SYNDIG1: variants seen among roughly 807,000 people sequenced by gnomAD.
SYNDIG1 encodes synapse differentiation inducing 1.
Under a neutral mutation model 19.4 loss-of-function variants are expected in SYNDIG1, and 9 were observed. That is an observed-to-expected ratio of 0.46 (90% CI 0.28 to 0.81). The LOEUF (loss-of-function observed/expected upper bound fraction) is 0.81. SYNDIG1 is among the 30% of genes least tolerant of loss of function. The pLI, the probability that SYNDIG1 is intolerant of heterozygous loss-of-function variation, is 0.12. For synonymous variants in SYNDIG1, 141 were observed against 145.9 expected, an observed-to-expected ratio of 0.97 and a Z score of 0.24; for missense variants, 311 against 343.3, an observed-to-expected ratio of 0.91 and a Z score of 0.74.
At chr20:24,493,154 C>A (rs1206029562) in intron 1 of SYNDIG1, among the ~76,000 whole-genome samples, 1 of 152,246 alleles carries the variant, frequency 6.6e-6, no homozygotes, top group Non-Finnish European at 1.5e-5. Flanking sequence ...ATTACACAAG[C>A]AAACCTAAAT....
chr20:24,492,349 C>T (rs1264817913), intron 1 of SYNDIG1, among the ~76,000 whole-genome samples: 1 of 152,166 alleles, frequency 6.6e-6, no homozygotes, highest in Admixed American at 6.5e-5. Flanking sequence ...AGGGTAGGCT[C>T]GGCCCCGCCG....
At chr20:24,555,514 T>C (rs1382292462) in intron 2 of SYNDIG1, among the ~76,000 whole-genome samples, 11 of 152,228 alleles carry the variant, frequency 7.2e-5, no homozygotes, top group Non-Finnish European at 1.0e-4. Context: ...GTCTTTGTTC[T>C]CGTTGGTTTC....
intron 1 of SYNDIG1, among the ~76,000 whole-genome samples, chr20:24,527,231 A>C (rs1443264725): frequency 6.6e-6 from 1 of 151,848 alleles, no homozygotes; most frequent in Non-Finnish European, 1.5e-5. Flanking sequence ...TTTTTCTCAG[A>C]TCTGTCTTCT....
intron 3 of SYNDIG1, among the ~76,000 whole-genome samples, chr20:24,602,724 T>C (rs2147130901): frequency 6.6e-6 from 1 of 152,372 alleles, no homozygotes; most frequent in African/African-American, 2.4e-5. Context: ...AAATATTTTC[T>C]TTAATGTTTC....
intron 3 of SYNDIG1, among the ~76,000 whole-genome samples, chr20:24,607,771 C>A (rs2058780565): frequency 1.3e-5 from 2 of 152,222 alleles, no homozygotes; most frequent in Admixed American, 1.3e-4. Flanking sequence ...TTTTTGTAGA[C>A]TTTTTAGGTG....
At chr20:24,638,650 C>T (rs1369465166) in intron 3 of SYNDIG1, among the ~76,000 whole-genome samples, 2 of 152,188 alleles carry the variant, frequency 1.3e-5, no homozygotes, top group Non-Finnish European at 2.9e-5. Flanking sequence ...TGAACCACCA[C>T]ACTCAGCCTG....
rs1431649529 is a variant in SYNDIG1 at position 24,665,486 on chromosome 20, C to T, written c.759C>T (p.Ser253=). 3 of 1,613,962 alleles carry T rather than the reference C, an allele frequency of 1.9e-6. No homozygotes were observed. In the African/African-American group the frequency reaches 4.0e-5, roughly 22 times the overall value. ...GVAVALIAYL[S]KNNHL ...CCGTGGCCCTCATCGCCTACCTCTCCAAGAACAACCACCTGTGAGCTTCCT... is the reference window on the plus strand; with the variant it reads ...CCGTGGCCCTCATCGCCTACCTCTCTAAGAACAACCACCTGTGAGCTTCCT... The change falls in exon 4 of 4, where the codon TCC becomes TCT. Residue 253 remains serine, a synonymous_variant. Coordinates refer to ENST00000376862, the MANE Select transcript of SYNDIG1 (RefSeq NM_024893.3).
At chr20:24,594,752 G>A (rs2058570850) in intron 3 of SYNDIG1, among the ~76,000 whole-genome samples, 1 of 152,100 alleles carries the variant, frequency 6.6e-6, no homozygotes, top group Non-Finnish European at 1.5e-5. Flanking sequence ...CTCCCTGTTA[G>A]CTGTATTACT....
Position 24,557,088 on chromosome 20 carries a change from T to C in SYNDIG1, c.480+13511T>C, listed in dbSNP as rs113661330. Among the ~76,000 whole-genome samples, 38 of 152,352 alleles carry C rather than the reference T, an allele frequency of 2.5e-4. 1 individual carries two copies. Among genetic ancestry groups the C allele is most frequent in the African/African-American group, 8.4e-4 (35 of 41,580 alleles). On this transcript the variant is annotated intron_variant, in intron 2 of 3. Transcript: ENST00000376862. Reference sequence around the variant, plus strand: ...CCATCACTGATACCCTTTCTTCCACTTGATCGCATCAGCTCCTGAGGCTTC... The same window carrying C: ...CCATCACTGATACCCTTTCTTCCACCTGATCGCATCAGCTCCTGAGGCTTC...
chr20:24,658,424 A>C lies in SYNDIG1; in HGVS notation c.619-6922A>C, dbSNP rs1289615045. On this transcript the variant is annotated intron_variant, in intron 3 of 3. Transcript: ENST00000376862. The surrounding 1 kb of genome is among the most constrained non-coding windows in gnomAD (Gnocchi z 4.4). ...CTCCTCCCCGTGACAGATTCCACACAGGAGCTGCAGGCCGTGGACCCCTGA... is the reference window on the plus strand; with the variant it reads ...CTCCTCCCCGTGACAGATTCCACACCGGAGCTGCAGGCCGTGGACCCCTGA... Among the ~76,000 whole-genome samples the C allele has an allele frequency of 6.6e-6, 1 of 152,068 alleles. No homozygotes were observed. Among genetic ancestry groups the C allele is most frequent in the Non-Finnish European group, 1.5e-5 (1 of 67,984 alleles).
intron 1 of SYNDIG1, among the ~76,000 whole-genome samples, chr20:24,505,958 A>G (rs978628164): frequency 3.3e-5 from 5 of 152,238 alleles, no homozygotes; most frequent in African/African-American, 9.6e-5. Context: ...CTAAGGGGAA[A>G]TGGTTTCTTT....
chr20:24,529,595 T>A (rs911818738), intron 1 of SYNDIG1, among the ~76,000 whole-genome samples: 1 of 152,230 alleles, frequency 6.6e-6, no homozygotes, highest in Non-Finnish European at 1.5e-5. Context: ...TTTTTGTGTG[T>A]CATAGAATAT....
chr20:24,527,101 C>G (rs1407825595), intron 1 of SYNDIG1, among the ~76,000 whole-genome samples: 2 of 152,234 alleles, frequency 1.3e-5, no homozygotes, highest in Non-Finnish European at 2.9e-5. Context: ...CCCAGGAGTT[C>G]TGTCTCCATT....
chr20:24,638,504 T>G (rs1242073546), intron 3 of SYNDIG1, among the ~76,000 whole-genome samples: 1 of 151,904 alleles, frequency 6.6e-6, no homozygotes, highest in South Asian at 2.1e-4. Context: ...ACTACAAACA[T>G]GTACCACCAT....
chr20:24,610,546 A>C (rs1268344004), intron 3 of SYNDIG1, among the ~76,000 whole-genome samples: 2 of 152,192 alleles, frequency 1.3e-5, no homozygotes, highest in Non-Finnish European at 1.5e-5. Flanking sequence ...CACACAAAAG[A>C]AGCTCAGATT....
At chr20:24,600,908 C>A (rs564130092) in intron 3 of SYNDIG1, among the ~76,000 whole-genome samples, 2 of 152,254 alleles carry the variant, frequency 1.3e-5, no homozygotes, top group Admixed American at 1.3e-4. Context: ...AGCCACCATG[C>A]CCAGCCCATG....
chr20:24,614,349 TG>T (rs2058896633), intron 3 of SYNDIG1, among the ~76,000 whole-genome samples: 1 of 152,240 alleles, frequency 6.6e-6, no homozygotes, highest in Admixed American at 6.5e-5. Context: ...TTAGTATTCA[TG>T]TAATTTGTGG....
rs1016729357 is a variant in SYNDIG1 at position 24,516,853 on chromosome 20, T to G, written c.-78-26167T>G. On this transcript the variant is annotated intron_variant, in intron 1 of 3. Transcript: ENST00000376862. Reference sequence around the variant, plus strand: ...AAAGGATTATAAACACATGCACATGTATGTTTATTGCAGCACTAGTCACAA... The same window carrying G: ...AAAGGATTATAAACACATGCACATGGATGTTTATTGCAGCACTAGTCACAA... 7.9e-5 allele frequency among the ~76,000 whole-genome samples: 12 copies of G among 152,168 alleles called. No homozygotes were observed. In the East Asian group the frequency reaches 2.3e-3, roughly 29 times the overall value.
Position 24,543,039 on chromosome 20 carries a change from G to A in SYNDIG1, c.-59G>A, listed in dbSNP as rs2057496814. On this transcript the variant is annotated 5_prime_UTR_variant, in exon 2 of 4. Coordinates refer to ENST00000376862, the MANE Select transcript of SYNDIG1 (RefSeq NM_024893.3). ...CTCCAGGAGAAATGGCTTCCCTGAG[G>A]CAAGTGTAACCTACATTCCCAGCCC... 6 of 1,564,326 alleles carry A rather than the reference G, an allele frequency of 3.8e-6. No individual in the cohort carries two copies. Among genetic ancestry groups the A allele is most frequent in the Non-Finnish European group, 5.2e-6 (6 of 1,152,312 alleles).
Sources: gnomAD v4.1 joint callset for allele counts (sites outside exome capture counted in the v4.1 genomes callset) on GRCh38, gnomAD v4.1.1 for gene constraint, Gnocchi (gnomAD v3.1) non-coding constraint, MANE v1.5 for transcripts, NCBI Gene and HGNC (gene_info 2026-07-23, HGNC 2026-07-21) for gene names.